Variants in MALRD1 observed in about 807,000 individuals in gnomAD.
The protein encoded by MALRD1 is MAM and LDL receptor class A domain containing 1.
In MALRD1, 247 loss-of-function variants were observed where a neutral mutation model predicts 242.1. The observed-to-expected ratio is 1.02, with a 90% CI of 0.92 to 1.13. MALRD1 has a LOEUF of 1.13. Ranked by LOEUF, MALRD1 falls within the 50% of genes most tolerant of loss-of-function variation. The probability of loss-of-function intolerance (pLI) is 0.00; values close to 1 mark genes in which losing one functional copy is unlikely to be tolerated. For synonymous variants in MALRD1, 995 were observed against 866.6 expected (o/e 1.15, Z -2.60); for missense variants, 2,989 against 2,533.1 (o/e 1.18, Z -3.86).
chr10:19,435,328 A>T (rs1213866902), intron 28 of MALRD1, among the ~76,000 whole-genome samples: 1 of 151,958 alleles, frequency 6.6e-6, no homozygotes, highest in Non-Finnish European at 1.5e-5. Flanking sequence ...AGAATAGTAC[A>T]TTTGTCACAA....
chr10:19,477,252 A>G (rs972379442), intron 29 of MALRD1, among the ~76,000 whole-genome samples: 2 of 152,136 alleles, frequency 1.3e-5, no homozygotes, highest in African/African-American at 2.4e-5. Context: ...ACTTGTATTT[A>G]TATATTTTAA....
Position 19,450,324 on chromosome 10 carries a change from A to G in MALRD1, c.4863A>G (p.Ser1621=). 1 of 1,548,542 alleles carries G rather than the reference A, an allele frequency of 6.5e-7. No homozygotes were observed. The highest frequency in any genetic ancestry group is 2.0e-5 in the Admixed American group (1 of 50,944). Residue 1621 remains serine, a synonymous_variant, in exon 29 of 40, where the codon TCA becomes TCG. Coordinates refer to ENST00000454679, the MANE Select transcript of MALRD1 (RefSeq NM_001142308.3). ...ACTTTCAGACAGAGAAAGGACTATCAAAAGTATGGCAAGAAAGTAAGCAGA... is the reference window on the plus strand; with the variant it reads ...ACTTTCAGACAGAGAAAGGACTATCGAAAGTATGGCAAGAAAGTAAGCAGA... ...QILIKTEKGL[S]KVWQESKQNP...
chr10:19,214,378 AT>A (rs927783945), intron 18 of MALRD1, among the ~76,000 whole-genome samples: 1 of 152,094 alleles, frequency 6.6e-6, no homozygotes, highest in Non-Finnish European at 1.5e-5. Flanking sequence ...CATTTTGGCC[AT>A]TTTTTTGGTT....
chr10:19,410,204 T>C (rs1292334223), intron 28 of MALRD1, among the ~76,000 whole-genome samples: 1 of 152,190 alleles, frequency 6.6e-6, no homozygotes, highest in African/African-American at 2.4e-5. Flanking sequence ...AAATGTATTA[T>C]TTTTGTACTT....
At chr10:19,468,467 A>G (rs1409620003) in intron 29 of MALRD1, among the ~76,000 whole-genome samples, 3 of 152,198 alleles carry the variant, frequency 2.0e-5, no homozygotes, top group Admixed American at 6.5e-5. Context: ...TCTTGTTAAT[A>G]TATTTCTAGA....
chr10:19,542,271 A>G (rs1835004747), intron 32 of MALRD1, among the ~76,000 whole-genome samples: 1 of 152,140 alleles, frequency 6.6e-6, no homozygotes, highest in African/African-American at 2.4e-5. Context: ...ACCATTTAAT[A>G]TACTTGAAGC....
At chr10:19,313,075 A>G (rs116650501) in intron 21 of MALRD1, among the ~76,000 whole-genome samples, 3,000 of 151,572 alleles carry the variant, frequency 0.02, 57 homozygotes, top group African/African-American at 0.037. Context: ...AACAAGCAAC[A>G]TGGTGATGCT....
chr10:19,471,758 C>T (rs10764030), intron 29 of MALRD1, among the ~76,000 whole-genome samples: 130,589 of 151,472 alleles, frequency 0.86, 56,448 homozygotes, highest in East Asian at 1. Context: ...CTGATTTTTG[C>T]AAGTTGATTT....
intron 21 of MALRD1, among the ~76,000 whole-genome samples, chr10:19,316,734 C>T (rs892433139): frequency 1.3e-5 from 2 of 151,652 alleles, no homozygotes; most frequent in East Asian, 1.9e-4. Flanking sequence ...CAGTTGAACT[C>T]ATGGAGATAC....
chr10:19,335,005 C>G (rs1260648585), intron 24 of MALRD1, among the ~76,000 whole-genome samples: 1 of 151,984 alleles, frequency 6.6e-6, no homozygotes, highest in Non-Finnish European at 1.5e-5. Flanking sequence ...CTAGGAATTT[C>G]TCTCTGTATT....
Position 19,670,979 on chromosome 10 carries a change from C to T in MALRD1, c.6138-21303C>T, listed in dbSNP as rs547424099. The stretch of plus-strand genomic sequence containing the variant: ...CTGCAAGCTCCGCCTCCCGGGTTCA[C>T]GCCATTCTCCTGCCTCAGCCTCCCA... On this transcript the variant is annotated intron_variant, in intron 36 of 39. Coordinates refer to ENST00000454679, the MANE Select transcript of MALRD1 (RefSeq NM_001142308.3). 3.1e-4 allele frequency among the ~76,000 whole-genome samples: 47 copies of T among 151,508 alleles called. 1 individual carries two copies. The highest frequency in any genetic ancestry group is 2.0e-3 in the East Asian group (10 of 5,110).
chr10:19,714,663 T>C (rs1834298117), intron 38 of MALRD1, among the ~76,000 whole-genome samples: 1 of 152,192 alleles, frequency 6.6e-6, no homozygotes. Flanking sequence ...CGTATCAATG[T>C]GACACATCCA....
intron 12 of MALRD1, among the ~76,000 whole-genome samples, chr10:19,163,403 A>G (rs1834527678): frequency 6.6e-6 from 1 of 151,902 alleles, no homozygotes; most frequent in Non-Finnish European, 1.5e-5. Flanking sequence ...ACACAGGAAA[A>G]GGAAACCAAA....
chr10:19,625,442 T>C lies in MALRD1; in HGVS notation c.6137+9519T>C, dbSNP rs187818957. 3.0e-3 allele frequency among the ~76,000 whole-genome samples: 458 copies of C among 152,222 alleles called. 4 individuals carry two copies. Among genetic ancestry groups the C allele is most frequent in the African/African-American group, 0.011 (442 of 41,556 alleles). On this transcript the variant is annotated intron_variant, in intron 36 of 39. Coordinates refer to ENST00000454679, the MANE Select transcript of MALRD1 (RefSeq NM_001142308.3). ...CCAGATTTATCCTTTACTTCCCAGTTAATGTAGAATATCCTCTCTAGAACA... is the reference window on the plus strand; with the variant it reads ...CCAGATTTATCCTTTACTTCCCAGTCAATGTAGAATATCCTCTCTAGAACA...
chr10:19,088,585 A>AAT (rs1835767796), intron 4 of MALRD1, among the ~76,000 whole-genome samples: 1 of 75,470 alleles, frequency 1.3e-5, no homozygotes, highest in Admixed American at 1.4e-4. Context: ...TTATTTATTT[A>AAT]TTTATTTTTT....
chr10:19,372,155 A>G (rs954774876), intron 26 of MALRD1, among the ~76,000 whole-genome samples: 7 of 152,326 alleles, frequency 4.6e-5, no homozygotes, highest in African/African-American at 1.4e-4. Context: ...ACTTAAATAT[A>G]ACATACTATA....
rs147799597 is a variant in MALRD1 at position 19,433,947 on chromosome 10, G to T, written c.4846-16360G>T. Among the ~76,000 whole-genome samples, 335 of 152,182 alleles carry T rather than the reference G, an allele frequency of 2.2e-3. 4 individuals are homozygous for T. The East Asian group carries it at 0.042, about 19-fold the overall frequency. ...TTTATGTGTTTGTGGGAATGAAAGA[G>T]AAACTACACTGTCTATCATATATAA... On this transcript the variant is annotated intron_variant, in intron 28 of 39. Transcript: ENST00000454679.
At chr10:19,196,566 G>A (rs1411817221) in intron 14 of MALRD1, among the ~76,000 whole-genome samples, 1 of 136,936 alleles carries the variant, frequency 7.3e-6, no homozygotes, top group Non-Finnish European at 1.6e-5. Flanking sequence ...CTATTTTTAT[G>A]CCTTCTTTTT....
At chr10:19,263,751 T>C (rs1839856354) in intron 19 of MALRD1, among the ~76,000 whole-genome samples, 1 of 152,182 alleles carries the variant, frequency 6.6e-6, no homozygotes, top group South Asian at 2.1e-4. Flanking sequence ...TTTATATGTG[T>C]GGGCTTATTT....
Sources: gnomAD v4.1 joint callset for allele counts (sites outside exome capture counted in the v4.1 genomes callset) on GRCh38, gnomAD v4.1.1 for gene constraint, MANE v1.5 for transcripts, NCBI Gene and HGNC (gene_info 2026-07-23, HGNC 2026-07-21) for gene names.